PPA2: variants seen among roughly 807,000 people sequenced by gnomAD.
PPA2 encodes inorganic pyrophosphatase 2.
A neutral mutation model predicts 49.5 loss-of-function variants in PPA2; 48 were observed. That is an observed-to-expected ratio of 0.97 (90% CI 0.77 to 1.23). The LOEUF (loss-of-function observed/expected upper bound fraction) is 1.23, where lower values mean the gene tolerates loss of function less well. Ranked by LOEUF, PPA2 falls within the 50% of genes most tolerant of loss-of-function variation. The pLI is 0.00. For missense variants in PPA2, 429 were observed against 410.1 expected, an observed-to-expected ratio of 1.05 and a Z score of -0.40; for synonymous variants, 131 against 139.9, an observed-to-expected ratio of 0.94 and a Z score of 0.45.
chr4:105,413,033 C>T (rs560501102), intron 7 of PPA2, among the ~76,000 whole-genome samples: 51 of 152,240 alleles, frequency 3.3e-4, no homozygotes, highest in African/African-American at 1.1e-3. Context: ...CACATGCACA[C>T]GTATGTTTAT....
In PPA2 at chr4:105,472,712, A is replaced by AT. The variant is rs140918152; in HGVS notation, c.157+1181dup. Among the ~76,000 whole-genome samples, 747 of 152,372 alleles carry AT rather than the reference A, an allele frequency of 4.9e-3. 6 individuals carry two copies. Among genetic ancestry groups the AT allele is most frequent in the African/African-American group, 0.016 (651 of 41,584 alleles). On this transcript the variant is annotated intron_variant, in intron 1 of 11. Transcript: ENST00000341695. ...AAATAGAAATTCTAGTACTAGTTGC[A>AT]TTATAATCACACGACTTTAGGCAAA...
At chr4:105,437,082 A>C (rs573362551) in intron 6 of PPA2, among the ~76,000 whole-genome samples, 5 of 152,290 alleles carry the variant, frequency 3.3e-5, no homozygotes, top group African/African-American at 1.2e-4. Context: ...CAAAGGACTA[A>C]GACAACTCAA....
At chr4:105,471,674 G>A (rs1560648664) in intron 1 of PPA2, among the ~76,000 whole-genome samples, 1 of 152,074 alleles carries the variant, frequency 6.6e-6, no homozygotes, top group Non-Finnish European at 1.5e-5. Context: ...TTTATTCGTT[G>A]CTTTCCCCTT....
At chr4:105,403,671 AC>A (rs1722328521) in intron 7 of PPA2, among the ~76,000 whole-genome samples, 1 of 152,172 alleles carries the variant, frequency 6.6e-6, no homozygotes, top group Non-Finnish European at 1.5e-5. Context: ...GTTTTTCTTA[AC>A]TAACTTTGGT....
At chr4:105,370,181 G>A (rs1249940430) in intron 11 of PPA2, among the ~76,000 whole-genome samples, 1 of 152,118 alleles carries the variant, frequency 6.6e-6, no homozygotes, top group African/African-American at 2.4e-5. Context: ...GCTTTCCCAT[G>A]AAATCATGTC....
At chr4:105,411,484 T>A (rs1014672069) in intron 7 of PPA2, among the ~76,000 whole-genome samples, 2 of 152,136 alleles carry the variant, frequency 1.3e-5, no homozygotes, top group African/African-American at 4.8e-5. Context: ...GCCAATATCA[T>A]ACTGAATGGG....
chr4:105,384,343 G>A (rs919466890), intron 10 of PPA2, among the ~76,000 whole-genome samples: 23 of 152,160 alleles, frequency 1.5e-4, no homozygotes, highest in Non-Finnish European at 3.2e-4. Flanking sequence ...AATTAAAGCT[G>A]TATGTTAACC....
chr4:105,399,874 T>C (rs1168652615), intron 7 of PPA2, among the ~76,000 whole-genome samples: 1 of 152,182 alleles, frequency 6.6e-6, no homozygotes, highest in Non-Finnish European at 1.5e-5. Context: ...AATAAACAAT[T>C]CATAAGTTTT....
intron 2 of PPA2, among the ~76,000 whole-genome samples, chr4:105,454,219 A>T (rs1443897849): frequency 6.6e-6 from 1 of 152,228 alleles, no homozygotes; most frequent in Non-Finnish European, 1.5e-5. Flanking sequence ...TATACACCAA[A>T]ATGACTACTA....
intron 2 of PPA2, among the ~76,000 whole-genome samples, chr4:105,454,267 T>G (rs764232625): frequency 6.6e-6 from 1 of 152,068 alleles, no homozygotes; most frequent in Middle Eastern, 3.4e-3. Flanking sequence ...TTTTTCCAAA[T>G]CAGCTCTGAA....
intron 2 of PPA2, among the ~76,000 whole-genome samples, chr4:105,454,831 A>G (rs771466734): frequency 6.6e-6 from 1 of 152,126 alleles, no homozygotes; most frequent in Non-Finnish European, 1.5e-5. Context: ...CACATTTCCC[A>G]AAACCCATCC....
Position 105,473,769 on chromosome 4 carries a change from G to A in PPA2, c.157+125C>T, listed in dbSNP as rs17035642. 102,204 of 1,394,032 alleles carry A rather than the reference G, an allele frequency of 0.073. 4,416 individuals are homozygous for A. The highest frequency in any genetic ancestry group is 0.087 in the Non-Finnish European group (86,795 of 1,000,178). The allele number at this position is 1,394,032 out of a possible 1,614,324, so 86.4% of individuals were successfully genotyped here. On this transcript the variant is annotated intron_variant, in intron 1 of 11. Transcript: ENST00000341695. The stretch of plus-strand genomic sequence containing the variant: ...GAAGTAAGGTGGCCTGGACCGCGCG[G>A]CTACCGCTGAGGGCCCCAAAAAGAG...
intron 9 of PPA2, among the ~76,000 whole-genome samples, chr4:105,394,971 T>C (rs2110388810): frequency 6.6e-6 from 1 of 152,252 alleles, no homozygotes; most frequent in East Asian, 1.9e-4. Flanking sequence ...CACTCTACCA[T>C]TTACTAGGAT....
At chr4:105,413,949 T>C (rs1039188231) in intron 7 of PPA2, among the ~76,000 whole-genome samples, 7 of 152,190 alleles carry the variant, frequency 4.6e-5, no homozygotes, top group Admixed American at 6.5e-5. Context: ...GCAAATAGAA[T>C]GTCTGCAACC....
intron 6 of PPA2, among the ~76,000 whole-genome samples, chr4:105,427,361 C>CA (rs1251547616): frequency 6.6e-6 from 1 of 152,044 alleles, no homozygotes; most frequent in African/African-American, 2.4e-5. Flanking sequence ...GATGAGTTGA[C>CA]AAAAGTAGGC....
chr4:105,376,701 G>T (rs1039271193), intron 10 of PPA2, among the ~76,000 whole-genome samples: 1 of 152,120 alleles, frequency 6.6e-6, no homozygotes, highest in Admixed American at 6.5e-5. Context: ...CAAGTGTATA[G>T]CTACTTACTC....
chr4:105,422,744 A>G (rs946069532), intron 7 of PPA2, among the ~76,000 whole-genome samples: 49 of 152,344 alleles, frequency 3.2e-4, no homozygotes, highest in African/African-American at 1.1e-3. Context: ...GTTAAGAACA[A>G]TATCTACTAT....
chr4:105,411,914 T>G (rs528361745), intron 7 of PPA2, among the ~76,000 whole-genome samples: 56 of 152,094 alleles, frequency 3.7e-4, no homozygotes, highest in African/African-American at 1.3e-3. Context: ...AGGAGAACTA[T>G]AAACCACTGC....
At chr4:105,375,211 C>T (rs1733200882) in intron 10 of PPA2, among the ~76,000 whole-genome samples, 1 of 151,886 alleles carries the variant, frequency 6.6e-6, no homozygotes, top group African/African-American at 2.4e-5. Context: ...TGGCTAGTAG[C>T]TAAGTAAATG....
Sources: allele counts gnomAD v4.1 joint callset (sites outside exome capture counted in the v4.1 genomes callset), GRCh38; gene constraint gnomAD v4.1.1; transcripts MANE v1.5; gene names NCBI Gene and HGNC (gene_info 2026-07-23, HGNC 2026-07-21).